The following VPS11 variants were observed in gnomAD, a reference collection of about 807,000 sequenced individuals.
The protein encoded by VPS11 is vacuolar protein sorting-associated protein 11 homolog.
A neutral mutation model predicts 106.8 loss-of-function variants in VPS11; 51 were observed. That is an observed-to-expected ratio of 0.48 (90% CI 0.38 to 0.60). The LOEUF is 0.60. Among genes scored for constraint, VPS11 ranks in the 20% least tolerant of loss-of-function variants. The probability of loss-of-function intolerance (pLI) is 0.00; values close to 1 mark genes in which losing one functional copy is unlikely to be tolerated. For synonymous variants in VPS11, 453 were observed against 458.7 expected (o/e 0.99, Z 0.16); for missense variants, 950 against 1,190.0 (o/e 0.80, Z 2.97).
intron 1 of VPS11, chr11:119,068,298 A>G: frequency 5.0e-6 from 2 of 403,386 alleles, no homozygotes; most frequent in Non-Finnish European, 8.7e-6. Context: ...AATAAGAAAA[A>G]GAATGCAAGT....
chr11:119,070,090 G>A lies in VPS11; in HGVS notation c.473-144G>A, dbSNP rs983273418. On this transcript the variant is annotated intron_variant, in intron 3 of 15. Coordinates refer to ENST00000621676, the MANE Select transcript of VPS11 (RefSeq NM_021729.6). ...TTGTTCTTTGAAAATGTGTCAGTGAGTACCAATATTCAGGTTAACCATTAG... is the reference window on the plus strand; with the variant it reads ...TTGTTCTTTGAAAATGTGTCAGTGAATACCAATATTCAGGTTAACCATTAG... 2.1e-5 allele frequency: 11 copies of A among 526,774 alleles called. No individual in the cohort carries two copies. The African/African-American group carries it at 2.1e-4, about 10-fold the overall frequency. 32.6% of individuals were successfully genotyped at this position (526,774 alleles called of 1,614,324 possible). A position where few individuals can be genotyped will look rare whatever the true frequency, so the allele number is the denominator to read the frequency against.
intron 4 of VPS11, 74 bp from the exon 5 acceptor site, chr11:119,071,522 A>T: frequency 6.4e-7 from 1 of 1,555,622 alleles, no homozygotes; most frequent in Non-Finnish European, 8.7e-7. Flanking sequence ...CAGTATGGAG[A>T]TGGGAATACC....
intron 14 of VPS11, among the ~76,000 whole-genome samples, chr11:119,080,729 A>C (rs1945820276): frequency 6.6e-6 from 1 of 152,194 alleles, no homozygotes; most frequent in Non-Finnish European, 1.5e-5. Context: ...AAATGAATTG[A>C]GCAAGGGGAG....
chr11:119,070,501 T>G (rs974610660), intron 4 of VPS11, 104 bp downstream of exon 4: 95 of 1,246,690 alleles, frequency 7.6e-5, no homozygotes, highest in Non-Finnish European at 8.7e-5. Context: ...TGTTAAAGTT[T>G]TAATCATATA....
rs1945692634 is a variant in VPS11 at position 119,077,950 on chromosome 11, G to A, written c.1645G>A (p.Gly549Ser). 2.5e-6 allele frequency: 4 copies of A among 1,613,850 alleles called. No homozygotes were observed. Among genetic ancestry groups the A allele is most frequent in the Non-Finnish European group, 3.4e-6 (4 of 1,179,892 alleles). The change falls in exon 10 of 16, where the codon GGC becomes AGC. Residue 549 changes from glycine (G) to serine (S), a missense_variant. Physicochemically the swap from Gly to Ser is moderately conservative, Grantham distance 56. This residue lies in a region of VPS11 where 453 missense variants were observed against 514.6 expected (regional missense o/e 0.88). Coordinates refer to ENST00000621676, the MANE Select transcript of VPS11 (RefSeq NM_021729.6). ...GGCAGAGAGCAACATGAAGCGCTAC[G>A]GCAAGATCCTCATGCACCACATACC... ...EQAESNMKRYGKILMHHIPEQ... is the reference protein window; with the variant it reads ...EQAESNMKRYSKILMHHIPEQ...
chr11:119,073,887 A>G lies in VPS11; in HGVS notation c.1174A>G (p.Met392Val). The G allele has an allele frequency of 6.2e-7, 1 of 1,613,922 alleles. No individual in the cohort carries two copies. The highest frequency in any genetic ancestry group is 8.5e-7 in the Non-Finnish European group (1 of 1,179,878). The change falls in exon 7 of 16, where the codon ATG becomes GTG. Residue 392 changes from methionine to valine, a missense_variant. Around this residue, in one of 3 missense-constraint regions of VPS11, gnomAD observed 435 missense variants for 630.2 expected, o/e 0.69. Transcript: ENST00000621676. Reference protein sequence around the residue: ...LDSDGLAQIFMQYGDHLYSKG... With the variant: ...LDSDGLAQIFVQYGDHLYSKG... The stretch of plus-strand genomic sequence containing the variant: ...CAGTGATGGGCTGGCCCAGATTTTC[A>G]TGCAGTATGGAGACCATCTCTACAG...
At position 119,076,384 on chromosome 11, in the gene VPS11, G is replaced by A. The variant is rs572108070; in HGVS notation, c.1239-513G>A. Among the ~76,000 whole-genome samples the A allele has an allele frequency of 2.0e-5, 3 of 151,942 alleles. No individual in the cohort carries two copies. The East Asian group carries it at 5.8e-4, about 29-fold the overall frequency. On this transcript the variant is annotated intron_variant, in intron 7 of 15. Coordinates refer to ENST00000621676, the MANE Select transcript of VPS11 (RefSeq NM_021729.6). ...TCTACTAAAAATACAAAACTAGCTGGGCATGGTGGCACATGCCTGTAATCC... is the reference window on the plus strand; with the variant it reads ...TCTACTAAAAATACAAAACTAGCTGAGCATGGTGGCACATGCCTGTAATCC...
intron 5 of VPS11, chr11:119,072,906 T>G: frequency 8.1e-6 from 3 of 371,840 alleles, no homozygotes; most frequent in Non-Finnish European, 1.5e-5. Flanking sequence ...CCAGGCACAG[T>G]GTTTTACATA....
chr11:119,070,508 T>C, intron 4 of VPS11, 111 bp downstream of exon 4: 1 of 1,199,978 alleles, frequency 8.3e-7, no homozygotes, highest in Non-Finnish European at 1.1e-6. Flanking sequence ...GTTTTAATCA[T>C]ATAATTCGAA....
chr11:119,072,889 T>C (rs4531480), intron 5 of VPS11: 6,814 of 287,128 alleles, frequency 0.024, 478 homozygotes, highest in African/African-American at 0.13. Context: ...TTTGCTTTCA[T>C]TCAGTTCCAG....
Position 119,069,294 on chromosome 11 carries a change from C to A in VPS11, c.286C>A (p.His96Asn). ...RVTHLYQLKQ[H>N]NILASVGEDE... is the part of the protein sequence containing the mutation. ...GACACACCTGTACCAACTGAAGCAG[C>A]ACAATATTCTGGCATCTGTTGGAGA... Residue 96 changes from histidine (H) to asparagine (N), a missense_variant, in exon 2 of 16, where the codon CAC (histidine) becomes AAC (asparagine). Physicochemically the swap from His to Asn is moderately conservative, Grantham distance 68. Transcript: ENST00000621676. The A allele has an allele frequency of 6.2e-7, 1 of 1,613,970 alleles. No homozygotes were observed.
rs1218916437 is a variant in VPS11, at chr11:119,077,896, C to T, written c.1591C>T (p.Arg531Ter). The change falls in exon 10 of 16, where the codon CGA becomes TGA. Residue 531 changes from arginine (R) to a stop codon, truncating the protein, a stop_gained. Transcript: ENST00000621676. LOFTEE classifies it high-confidence loss of function. ...TCCACAGAATTATCAGGAAGCCCTT[C>T]GATACATCGGCAAGCTGCCTTTTGA... ...EDIKNYQEALRYIGKLPFEQA... is the reference protein window; with the variant it reads ...EDIKNYQEAL 6.2e-7 allele frequency: 1 copy of T among 1,614,036 alleles called. No homozygotes were observed. Among genetic ancestry groups the T allele is most frequent in the African/African-American group, 1.3e-5 (1 of 75,058 alleles).
Position 119,068,443 on chromosome 11 carries a change from C to CTTTTTTTTTTTTTTTTTTTT in VPS11, c.187+433_187+434insTTTTTTTTTTTTTTTTTTTT, listed in dbSNP as rs1945208004. Among the ~76,000 whole-genome samples the CTTTTTTTTTTTTTTTTTTTT allele has an allele frequency of 1.1e-4, 4 of 35,796 alleles. 2 individuals carry two copies. The allele number at this position is 35,796 out of a possible 152,430, so 23.5% of individuals were successfully genotyped here. A position where few individuals can be genotyped will look rare whatever the true frequency, so the allele number is the denominator to read the frequency against. Reference sequence around the variant, plus strand: ...CTGCTACTAAATTCTGGCCTTTTTACCTTTTTTTTTTTTTTTTTTTTTTTG... The same window carrying CTTTTTTTTTTTTTTTTTTTT: ...CTGCTACTAAATTCTGGCCTTTTTACTTTTTTTTTTTTTTTTTTTTCTTTTTTTTTTTTTTTTTTTTTTTG... On this transcript the variant is annotated intron_variant, in intron 1 of 15. Transcript: ENST00000621676.
At position 119,071,511 on chromosome 11, in the gene VPS11, C is replaced by T. The variant is rs1945391751; in HGVS notation, c.637-85C>T. The T allele has an allele frequency of 3.3e-6, 5 of 1,517,782 alleles. No individual in the cohort carries two copies. The East Asian group carries it at 9.1e-5, about 28-fold the overall frequency. The allele number at this position is 1,517,782 out of a possible 1,614,324, so 94.0% of individuals were successfully genotyped here. ...TAGAATGCCAAGAGGGAAAAAAGAG[C>T]CAGTATGGAGATGGGAATACCTTTG... On this transcript the variant is annotated intron_variant, in intron 4 of 15. Transcript: ENST00000621676.
intron 7 of VPS11, among the ~76,000 whole-genome samples, chr11:119,076,172 G>A (rs1373631893): frequency 6.6e-6 from 1 of 151,996 alleles, no homozygotes; most frequent in Admixed American, 6.6e-5. Flanking sequence ...GTTGCAGTGA[G>A]CCAAGATCGT....
At chr11:119,074,548 A>C (rs1945526453) in intron 7 of VPS11, among the ~76,000 whole-genome samples, 1 of 151,730 alleles carries the variant, frequency 6.6e-6, no homozygotes, top group Non-Finnish European at 1.5e-5. Context: ...GGATTACAGG[A>C]TCATGCTGCC....
Position 119,067,831 on chromosome 11 carries a change from C to T in VPS11, c.8C>T (p.Ala3Val), listed in dbSNP as rs2133638855. Residue 3 changes from alanine to valine, a missense_variant, in exon 1 of 16, where the codon GCC becomes GTC. By Grantham distance (64) the Ala-to-Val change is moderately conservative. Transcript: ENST00000621676. The stretch of plus-strand genomic sequence containing the variant: ...TGGGAGCCCTGGGCCAAAATGGCGG[C>T]CTACCTGCAGTGGCGGCGCTTCGTT... MAAYLQWRRFVFF... is the reference protein window; with the variant it reads MAVYLQWRRFVFF... 126 of 1,543,766 alleles carry T rather than the reference C, an allele frequency of 8.2e-5. No individual in the cohort carries two copies. The African/African-American group carries it at 1.4e-3, about 17-fold the overall frequency.
In VPS11 at chr11:119,079,288, A is replaced by G; in HGVS notation, c.2426A>G (p.Glu809Gly). 1 of 1,593,908 alleles carries G rather than the reference A, an allele frequency of 6.3e-7. No individual in the cohort carries two copies. The highest frequency in any genetic ancestry group is 1.8e-5 in the Admixed American group (1 of 56,500). Residue 809 changes from glutamate to glycine, a missense_variant, in exon 14 of 16, where the codon GAG (glutamate) becomes GGG (glycine). Glu to Gly is a moderately conservative substitution (Grantham distance 98). This residue lies in a region of VPS11 where 453 missense variants were observed against 514.6 expected (regional missense o/e 0.88). Coordinates refer to ENST00000621676, the MANE Select transcript of VPS11 (RefSeq NM_021729.6). Reference sequence around the variant, plus strand: ...ACCCGTATCCGCCAGGAGATCCAAGAGCTCAAGGCCAGGTACCCGGGGCAT... The same window carrying G: ...ACCCGTATCCGCCAGGAGATCCAAGGGCTCAAGGCCAGGTACCCGGGGCAT... ...ETTRIRQEIQ[E>G]LKASPKIFQK...
chr11:119,080,752 G>C (rs782432159), intron 14 of VPS11, among the ~76,000 whole-genome samples: 6 of 152,208 alleles, frequency 3.9e-5, no homozygotes, highest in Non-Finnish European at 5.9e-5. Context: ...GGAGAAGTGT[G>C]TTAACAAGTT....
Sources: allele counts gnomAD v4.1 joint callset (sites outside exome capture counted in the v4.1 genomes callset), GRCh38; gene constraint gnomAD v4.1.1; regional missense constraint gnomAD v4.1.1; transcripts MANE v1.5; gene names NCBI Gene and HGNC (gene_info 2026-07-23, HGNC 2026-07-21).